FXYD1: variants seen among roughly 807,000 people sequenced by gnomAD.
FXYD1 encodes phospholemman.
Under a neutral mutation model 17.2 loss-of-function variants are expected in FXYD1, and 9 were observed. That is an observed-to-expected ratio of 0.52 (90% CI 0.32 to 0.91). FXYD1 has a LOEUF of 0.91. Ranked by LOEUF, FXYD1 falls within the 40% of genes least tolerant of loss-of-function variation. The pLI, the probability that FXYD1 is intolerant of heterozygous loss-of-function variation, is 0.04. For missense variants in FXYD1, 113 were observed against 120.6 expected (o/e 0.94, Z 0.29); for synonymous variants, 55 against 45.8 (o/e 1.20, Z -0.81).
chr19:35,142,576 C>A, intron 6 of FXYD1, 55 bp downstream of exon 6: 1 of 1,570,360 alleles, frequency 6.4e-7, no homozygotes, highest in Non-Finnish European at 8.8e-7. Context: ...CCAAGGACCG[C>A]TTTTCCCGGC....
Position 35,140,706 on chromosome 19 carries a change from C to T in FXYD1, c.94+77C>T, listed in dbSNP as rs1025743851. ...TCCTTTGATTCCCCCTCGCCCTCCC[C>T]CAGAGTCCCAGTATTGATATCTCTG... On this transcript the variant is annotated intron_variant, in intron 3 of 7. Coordinates refer to ENST00000351325, the MANE Select transcript of FXYD1 (RefSeq NM_021902.4). 5.6e-5 allele frequency: 66 copies of T among 1,175,450 alleles called. No homozygotes were observed. In the African/African-American group the frequency reaches 9.0e-4, roughly 16 times the overall value. 72.8% of individuals were successfully genotyped at this position (1,175,450 alleles called of 1,614,324 possible).
At position 35,142,456 on chromosome 19, in the gene FXYD1, G is replaced by A; in HGVS notation, c.207-16G>A. ...CCCCTTTCCATCCCGAAATCCCTCT[G>A]CCTCTGTCTTCCCAGGACTGGGGAA... On this transcript the variant is annotated splice_polypyrimidine_tract_variant and intron_variant, in intron 5 of 7. Coordinates refer to ENST00000351325, the MANE Select transcript of FXYD1 (RefSeq NM_021902.4). 1 of 1,599,908 alleles carries A rather than the reference G, an allele frequency of 6.3e-7. No individual in the cohort carries two copies. The highest frequency in any genetic ancestry group is 2.2e-5 in the East Asian group (1 of 44,500).
At chr19:35,140,338 T>G (rs1600484539) in intron 2 of FXYD1, among the ~76,000 whole-genome samples, 198 bp downstream of exon 2, 1 of 151,576 alleles carries the variant, frequency 6.6e-6, no homozygotes, top group South Asian at 2.1e-4. Flanking sequence ...AAAGATGGGG[T>G]GGGATGGGGC....
At chr19:35,142,241 C>T in intron 5 of FXYD1, 2 of 470,006 alleles carry the variant, frequency 4.3e-6, no homozygotes, top group South Asian at 7.4e-5. Context: ...ACTTCACATC[C>T]CTGCCCCCAA....
intron 5 of FXYD1, chr19:35,142,166 G>C: frequency 3.0e-6 from 1 of 335,874 alleles, no homozygotes; most frequent in Non-Finnish European, 5.4e-6. Flanking sequence ...GGGGGGTTCT[G>C]GGTTTCCAAC....
rs1316066442 is a variant in FXYD1, at chr19:35,142,471, GGA to G, written c.207_208del (p.Arg69SerfsTer6). 1.2e-6 allele frequency: 2 copies of G among 1,611,706 alleles called. No individual in the cohort carries two copies. The highest frequency in any genetic ancestry group is 1.7e-6 in the Non-Finnish European group (2 of 1,178,430). On this transcript the variant is annotated frameshift_variant and splice_region_variant, in exon 6 of 8. Transcript: ENST00000351325. LOFTEE classifies it high-confidence loss of function. ...AAATCCCTCTGCCTCTGTCTTCCCAGGACTGGGGAACCCGATGAAGAGGAGGG... is the reference window on the plus strand; with the variant it reads ...AAATCCCTCTGCCTCTGTCTTCCCAGCTGGGGAACCCGATGAAGAGGAGGG...
At chr19:35,139,718 G>T (rs2065232939) in intron 1 of FXYD1, 1 of 237,082 alleles carries the variant, frequency 4.2e-6, no homozygotes, top group Non-Finnish European at 8.4e-6. Flanking sequence ...GTGCCCTGCT[G>T]TCTCCTGCTC....
At position 35,142,511 on chromosome 19, in the gene FXYD1, C is replaced by T. The variant is rs1424459948; in HGVS notation, c.246C>T (p.Ser82=). Residue 82 remains serine (S), a synonymous_variant, in exon 6 of 8, where the codon AGC becomes AGT. Transcript: ENST00000351325. ...ATGAAGAGGAGGGAACTTTCCGCAGCTCCATCCGCCGTGAGTCTGGGGAGA... is the reference window on the plus strand; with the variant it reads ...ATGAAGAGGAGGGAACTTTCCGCAGTTCCATCCGCCGTGAGTCTGGGGAGA... ...EPDEEEGTFR[S]SIRRLSTRRR is the part of the protein sequence containing the mutation. 1.9e-6 allele frequency: 3 copies of T among 1,613,122 alleles called. No homozygotes were observed. The highest frequency in any genetic ancestry group is 4.5e-5 in the East Asian group (2 of 44,868).
At position 35,140,126 on chromosome 19, in the gene FXYD1, C is replaced by T. The variant is rs1254487853; in HGVS notation, c.47C>T (p.Thr16Ile). Reference sequence around the variant, plus strand: ...TTGGTTTTCTGTGTGGGTCTCCTCACCATGGCCAAGGCAGGTGAGTGCAGG... The same window carrying T: ...TTGGTTTTCTGTGTGGGTCTCCTCATCATGGCCAAGGCAGGTGAGTGCAGG... ...HILVFCVGLL[T>I]MAKAESPKEH... The change falls in exon 2 of 8, where the codon ACC becomes ATC. Residue 16 changes from threonine to isoleucine, a missense_variant. Physicochemically the swap from Thr to Ile is moderately conservative, Grantham distance 89. Transcript: ENST00000351325. 6.3e-7 allele frequency: 1 copy of T among 1,590,990 alleles called. No individual in the cohort carries two copies. The highest frequency in any genetic ancestry group is 2.2e-5 in the East Asian group (1 of 44,732).
In FXYD1 at chr19:35,140,607, G is replaced by A; in HGVS notation, c.72G>A (p.Lys24=). ...TCTCTCTCTTTCCAGAAAGTCCAAAGGAACACGACCCGTTCACTTACGGTG... is the reference window on the plus strand; with the variant it reads ...TCTCTCTCTTTCCAGAAAGTCCAAAAGAACACGACCCGTTCACTTACGGTG... The part of the protein sequence containing the change: ...LLTMAKAESP[K]EHDPFTYDYQ... The change falls in exon 3 of 8, where the codon AAG becomes AAA. Residue 24 remains lysine, a synonymous_variant. Transcript: ENST00000351325. 4 of 1,613,616 alleles carry A rather than the reference G, an allele frequency of 2.5e-6. No individual in the cohort carries two copies. The highest frequency in any genetic ancestry group is 3.4e-6 in the Non-Finnish European group (4 of 1,179,808).
chr19:35,140,009 C>CCT, intron 1 of FXYD1, 67 bp from the exon 2 acceptor site: 1 of 1,363,910 alleles, frequency 7.3e-7, no homozygotes, highest in South Asian at 1.2e-5. Flanking sequence ...TGACTTAATC[C>CCT]CTTGGGTTCA....
upstream of FXYD1, chr19:35,138,352 A>C (rs1191716393): frequency 6.6e-6 from 1 of 151,720 alleles, no homozygotes; most frequent in South Asian, 2.1e-4. Flanking sequence ...ATCTCACCAC[A>C]GCAGATAGCG....
upstream of FXYD1, among the ~76,000 whole-genome samples, chr19:35,137,482 G>C (rs2065216182): frequency 6.6e-6 from 1 of 152,202 alleles, no homozygotes; most frequent in Admixed American, 6.5e-5. Flanking sequence ...GTATGTGTGA[G>C]AGCGGCGGGT....
Position 35,141,157 on chromosome 19 carries a change from C to T in FXYD1, c.120C>T (p.Gly40=), listed in dbSNP as rs2065248408. The T allele has an allele frequency of 3.1e-6, 5 of 1,610,866 alleles. No individual in the cohort carries two copies. The highest frequency in any genetic ancestry group is 4.2e-6 in the Non-Finnish European group (5 of 1,177,566). Residue 40 remains glycine (G), a synonymous_variant, in exon 4 of 8, where the codon GGC becomes GGT. Transcript: ENST00000351325. ...ACTACCAGTCCCTGCAGATCGGAGG[C>T]CTCGTCATCGCCGGGATCCTCTTCA... ...TYDYQSLQIG[G]LVIAGILFIL...
chr19:35,141,097 C>T, intron 3 of FXYD1, 35 bp from the exon 4 acceptor site: 1 of 1,395,570 alleles, frequency 7.2e-7, no homozygotes, highest in Non-Finnish European at 1.0e-6. Flanking sequence ...CTCCTGTCTT[C>T]CCTGCCCTCA....
chr19:35,140,225 C>T lies in FXYD1; in HGVS notation c.61+85C>T. 6 of 820,404 alleles carry T rather than the reference C, an allele frequency of 7.3e-6. No individual in the cohort carries two copies. The South Asian group carries it at 8.0e-5, about 11-fold the overall frequency. The allele number at this position is 820,404 out of a possible 1,614,324, so 50.8% of individuals were successfully genotyped here. A position where few individuals can be genotyped will look rare whatever the true frequency, so the allele number is the denominator to read the frequency against. On this transcript the variant is annotated intron_variant, in intron 2 of 7. Transcript: ENST00000351325. Reference sequence around the variant, plus strand: ...GAAGAACCAAGTTGGAGACCCCAACCTAGACTAAGTCGGCTGGGGTACCAA... The same window carrying T: ...GAAGAACCAAGTTGGAGACCCCAACTTAGACTAAGTCGGCTGGGGTACCAA...
intron 1 of FXYD1, chr19:35,139,687 G>GTAGGCA (rs1199727064): frequency 5.1e-6 from 1 of 194,430 alleles, no homozygotes; most frequent in Non-Finnish European, 1.1e-5. Context: ...GGCCGGGCAT[G>GTAGGCA]TAGGCAGGTG....
chr19:35,139,914 C>G (rs966912344), intron 1 of FXYD1, 162 bp from the exon 2 acceptor site: 1 of 618,440 alleles, frequency 1.6e-6, no homozygotes, highest in Non-Finnish European at 2.9e-6. Context: ...TGTGTCCCCA[C>G]GAAGCTGGGG....
In FXYD1 at chr19:35,142,705, C is replaced by T. The variant is rs1237914381; in HGVS notation, c.257-15C>T. On this transcript the variant is annotated splice_polypyrimidine_tract_variant and intron_variant, in intron 6 of 7. Transcript: ENST00000351325. ...GCCTCTCCAGAATGACCCCCGATCT[C>T]CGTGTTCCCCCCAGGTCTGTCCACC... The T allele has an allele frequency of 1.2e-6, 2 of 1,613,552 alleles. No individual in the cohort carries two copies. Among genetic ancestry groups the T allele is most frequent in the African/African-American group, 1.3e-5 (1 of 75,032 alleles).
Sources: gnomAD v4.1 joint callset for allele counts (sites outside exome capture counted in the v4.1 genomes callset) on GRCh38, gnomAD v4.1.1 for gene constraint, MANE v1.5 for transcripts, NCBI Gene and HGNC (gene_info 2026-07-23, HGNC 2026-07-21) for gene names.